POM121C: variants seen among roughly 807,000 people sequenced by gnomAD.
POM121C encodes POM121 transmembrane nucleoporin C, also known as nuclear envelope pore membrane protein POM 121C.
A neutral mutation model predicts 66.4 loss-of-function variants in POM121C; 20 were observed. That is an observed-to-expected ratio of 0.30 (90% CI 0.21 to 0.44). The LOEUF (loss-of-function observed/expected upper bound fraction) is 0.44. Among genes scored for constraint, POM121C ranks in the 20% least tolerant of loss-of-function variants. The pLI, the probability that POM121C is intolerant of heterozygous loss-of-function variation, is 1.00. For synonymous variants in POM121C, 286 were observed against 528.0 expected, an observed-to-expected ratio of 0.54 and a Z score of 6.28; for missense variants, 580 against 1,225.7, an observed-to-expected ratio of 0.47 and a Z score of 7.87.
At chr7:75,451,198 A>G (rs1791009198) in intron 3 of POM121C, among the ~76,000 whole-genome samples, 1 of 152,206 alleles carries the variant, frequency 6.6e-6, no homozygotes, top group African/African-American at 2.4e-5. Flanking sequence ...ATGAAACCAA[A>G]AACGAGCCCA....
At chr7:75,457,858 A>G (rs1380617605) in intron 3 of POM121C, among the ~76,000 whole-genome samples, 1 of 152,252 alleles carries the variant, frequency 6.6e-6, no homozygotes, top group Non-Finnish European at 1.5e-5. Flanking sequence ...CTGTTTAATA[A>G]TAACTCCAAG....
intron 5 of POM121C, among the ~76,000 whole-genome samples, chr7:75,440,338 T>G (rs10237410): frequency 6.6e-6 from 1 of 150,698 alleles, no homozygotes. Flanking sequence ...GAGGCCAAGG[T>G]GGGCGGATCA....
At chr7:75,485,750 T>A (rs1273502176) in intron 1 of POM121C, 114 bp downstream of exon 1, 2 of 390,572 alleles carry the variant, frequency 5.1e-6, no homozygotes, top group Non-Finnish European at 1.0e-5. Context: ...ACCCAACACA[T>A]GTCTCTCCGG....
chr7:75,468,582 G>A (rs1791759425), intron 3 of POM121C, among the ~76,000 whole-genome samples: 2 of 152,120 alleles, frequency 1.3e-5, no homozygotes, highest in African/African-American at 4.8e-5. Flanking sequence ...GCCTCCCAAA[G>A]TGTTGGGATT....
chr7:75,467,111 C>T (rs1376132983), intron 3 of POM121C, among the ~76,000 whole-genome samples: 2 of 152,178 alleles, frequency 1.3e-5, no homozygotes, highest in Non-Finnish European at 2.9e-5. Flanking sequence ...TCTGAAAATG[C>T]CAAAAGCTCA....
chr7:75,441,572 G>A lies in POM121C; in HGVS notation c.-76C>T. 2 of 1,610,928 alleles carry A rather than the reference G, an allele frequency of 1.2e-6. No homozygotes were observed. Among genetic ancestry groups the A allele is most frequent in the African/African-American group, 2.7e-5 (2 of 74,856 alleles). On this transcript the variant is annotated 5_prime_UTR_variant, in exon 4 of 15. Transcript: ENST00000615331. ...ACACTGTGGGAAGTACCCCCGGACA[G>A]GAATACTGGGTCTGATGGATCGGAT...
rs1789532665 is a variant in POM121C, at chr7:75,417,843, TTGAAACA to T, written c.*946_*952del. The T allele has an allele frequency of 1.0e-6, 1 of 966,766 alleles. No homozygotes were observed. Among genetic ancestry groups the T allele is most frequent in the Admixed American group, 6.2e-5 (1 of 16,038 alleles). 59.9% of individuals were successfully genotyped at this position (966,766 alleles called of 1,614,324 possible). On this transcript the variant is annotated 3_prime_UTR_variant, in exon 15 of 15. Transcript: ENST00000615331. ...TTCAATTAGCGAGGCCCCAGAAAAC[TTGAAACA>T]GGAAGTCCGGCACTACCAACATGCC...
intron 3 of POM121C, among the ~76,000 whole-genome samples, chr7:75,453,399 A>C (rs62477670): frequency 0.91 from 132,288 of 146,136 alleles, 59,813 homozygotes; most frequent in East Asian, 0.95. Context: ...CCTAACCAAC[A>C]TGGAGAAACC....
chr7:75,469,464 C>T (rs1200564971), intron 3 of POM121C, among the ~76,000 whole-genome samples: 1 of 152,130 alleles, frequency 6.6e-6, no homozygotes, highest in East Asian at 1.9e-4. Flanking sequence ...CTCATCCATA[C>T]CTCTGGCTTG....
intron 3 of POM121C, among the ~76,000 whole-genome samples, chr7:75,449,747 G>T (rs1790958299): frequency 6.6e-6 from 1 of 152,120 alleles, no homozygotes; most frequent in African/African-American, 2.4e-5. Context: ...CAGGCACGGT[G>T]GCTCATGCCT....
intron 3 of POM121C, among the ~76,000 whole-genome samples, chr7:75,460,855 G>A (rs587670444): frequency 8.3e-4 from 126 of 152,228 alleles, no homozygotes; most frequent in Non-Finnish European, 1.8e-4. Flanking sequence ...GGACCAGCCC[G>A]GATGCTTGCC....
intron 3 of POM121C, among the ~76,000 whole-genome samples, chr7:75,468,126 TAAAAAAAAAAAAAAAAA>T (rs368723160): frequency 3.1e-5 from 2 of 64,350 alleles, no homozygotes; most frequent in African/African-American, 7.8e-5. Context: ...AGACTCTGTC[TAAAAAAAAAAAAAAAAA>T]AAAAAAAAAG....
In POM121C at chr7:75,471,425, T is replaced by G. The variant is rs184907171; in HGVS notation, c.-152+3279A>C. 1.8e-3 allele frequency among the ~76,000 whole-genome samples: 271 copies of G among 152,026 alleles called. 11 individuals are homozygous for G. The East Asian group carries it at 0.046, about 26-fold the overall frequency. ...GTTGGCCAGGGTGGTCTCGAACTCCTGACCTCAGGTAATCCACCTGCCTCC... is the reference window on the plus strand; with the variant it reads ...GTTGGCCAGGGTGGTCTCGAACTCCGGACCTCAGGTAATCCACCTGCCTCC... On this transcript the variant is annotated intron_variant, in intron 3 of 14. Coordinates refer to ENST00000615331, the MANE Select transcript of POM121C (RefSeq NM_001099415.3).
intron 3 of POM121C, chr7:75,442,104 G>A (rs1283512546): frequency 1.5e-6 from 2 of 1,371,920 alleles, no homozygotes; most frequent in Non-Finnish European, 1.9e-6. Flanking sequence ...TTTCAAGCCA[G>A]CCGAGCCAGA....
chr7:75,417,610 T>C lies in POM121C; in HGVS notation c.*1186A>G, dbSNP rs1554469984. 1 of 983,096 alleles carries C rather than the reference T, an allele frequency of 1.0e-6. No individual in the cohort carries two copies. Among genetic ancestry groups the C allele is most frequent in the East Asian group, 1.1e-4 (1 of 8,802 alleles). 60.9% of individuals were successfully genotyped at this position (983,096 alleles called of 1,614,324 possible). ...TTTGGGAAAAATAGGATTTTAAAAA[T>C]ATGGTTCATTAATTTAGGTTTTCTA... On this transcript the variant is annotated 3_prime_UTR_variant, in exon 15 of 15. Transcript: ENST00000615331.
intron 7 of POM121C, among the ~76,000 whole-genome samples, chr7:75,433,230 G>C (rs1313111110): frequency 2.0e-5 from 1 of 50,834 alleles, no homozygotes; most frequent in Non-Finnish European, 3.1e-5. Flanking sequence ...GTGAGACTCT[G>C]TCTCAAAAAA....
At chr7:75,457,723 G>A (rs1269912967) in intron 3 of POM121C, among the ~76,000 whole-genome samples, 18 of 152,102 alleles carry the variant, frequency 1.2e-4, no homozygotes, top group African/African-American at 4.3e-4. Context: ...AAGACAGTGA[G>A]GAGCTAGAAG....
chr7:75,485,516 G>A (rs1792493723), intron 1 of POM121C, among the ~76,000 whole-genome samples: 2 of 152,160 alleles, frequency 1.3e-5, no homozygotes, highest in Admixed American at 1.3e-4. Context: ...CTAAGGGGGG[G>A]GATCAGCAGA....
At chr7:75,459,709 TAA>T (rs1791384832) in intron 3 of POM121C, among the ~76,000 whole-genome samples, 2 of 133,560 alleles carry the variant, frequency 1.5e-5, no homozygotes, top group African/African-American at 5.6e-5. Context: ...AAAAAAGCAG[TAA>T]GAGGGTAAAT....
Sources: gnomAD v4.1 joint callset for allele counts (sites outside exome capture counted in the v4.1 genomes callset) on GRCh38, gnomAD v4.1.1 for gene constraint, MANE v1.5 for transcripts, NCBI Gene and HGNC (gene_info 2026-07-23, HGNC 2026-07-21) for gene names.